PCDHGB5: variants seen among roughly 807,000 people sequenced by gnomAD.
The protein encoded by PCDHGB5 is protocadherin gamma subfamily B, 5, also known as protocadherin gamma-B5.
Under a neutral mutation model 62.9 loss-of-function variants are expected in PCDHGB5, and 48 were observed. That is an observed-to-expected ratio of 0.76 (90% CI 0.61 to 0.97). The LOEUF (loss-of-function observed/expected upper bound fraction) is 0.97. Among genes scored for constraint, PCDHGB5 ranks in the 50% least tolerant of loss-of-function variants. The pLI, the probability that PCDHGB5 is intolerant of heterozygous loss-of-function variation, is 0.00. For missense variants in PCDHGB5, 1,118 were observed against 1,198.6 expected, an observed-to-expected ratio of 0.93 and a Z score of 0.99; for synonymous variants, 474 against 511.2, an observed-to-expected ratio of 0.93 and a Z score of 0.98.
At chr5:141,510,849 G>C (rs959784028) in intron 3 of PCDHGB5, 98 bp from the exon 4 acceptor site, 10 of 1,596,568 alleles carry the variant, frequency 6.3e-6, no homozygotes, top group Middle Eastern at 1.7e-4. Flanking sequence ...CAAGGCCCAG[G>C]GTGCTGTATA....
intron 1 of PCDHGB5, chr5:141,479,313 G>C (rs926148640): frequency 2.0e-5 from 3 of 152,456 alleles, no homozygotes; most frequent in Non-Finnish European, 2.9e-5. Context: ...AAAACATAAA[G>C]TAGCCAGACT....
chr5:141,407,505 T>TTTTTTTTTTTTTTTTTTTTTTTTTTGAG (rs1460306566), intron 1 of PCDHGB5, among the ~76,000 whole-genome samples: 1 of 152,146 alleles, frequency 6.6e-6, no homozygotes, highest in Non-Finnish European at 1.5e-5. Context: ...CTGTTTTTCT[T>TTTTTTTTTTTTTTTTTTTTTTTTTTGAG]AGGCTATGTA....
At chr5:141,503,099 C>T (rs1286557930) in intron 2 of PCDHGB5, among the ~76,000 whole-genome samples, 1 of 151,884 alleles carries the variant, frequency 6.6e-6, no homozygotes, top group Non-Finnish European at 1.5e-5. Context: ...GTGGTCTGCC[C>T]GCCCCTGCCT....
chr5:141,487,643 C>T lies in PCDHGB5; in HGVS notation c.2398-7164C>T. 1.2e-6 allele frequency: 2 copies of T among 1,614,104 alleles called. No homozygotes were observed. The highest frequency in any genetic ancestry group is 1.7e-6 in the Non-Finnish European group (2 of 1,179,986). Reference sequence around the variant, plus strand: ...GAGACCTTTGCAGGCTCAACAAATGCTTGAGGGTTATTCTGATCCAGGCAT... The same window carrying T: ...GAGACCTTTGCAGGCTCAACAAATGTTTGAGGGTTATTCTGATCCAGGCAT... On this transcript the variant is annotated intron_variant, in intron 1 of 3. Transcript: ENST00000617380. The surrounding 1 kb of genome is among the most constrained non-coding windows in gnomAD (Gnocchi z 5.0).
At chr5:141,448,220 G>A (rs750470070) in intron 1 of PCDHGB5, among the ~76,000 whole-genome samples, 9 of 152,148 alleles carry the variant, frequency 5.9e-5, no homozygotes, top group Non-Finnish European at 1.0e-4. Flanking sequence ...GTATGCGAAT[G>A]TATGTGTGGG....
rs564486909 is a variant in PCDHGB5, at chr5:141,428,072, G to C, written c.2397+27548G>C. ...AGGTGGTGGCGGTGGACGCAGATTC[G>C]GGACACAACGCTTGGCTGTCCTACC... is the stretch of plus-strand genomic sequence containing the variant. On this transcript the variant is annotated intron_variant, in intron 1 of 3. Transcript: ENST00000617380. 5 of 1,609,080 alleles carry C rather than the reference G, an allele frequency of 3.1e-6. 1 individual carries two copies. The South Asian group carries it at 5.5e-5, about 18-fold the overall frequency.
chr5:141,476,018 A>G lies in PCDHGB5; in HGVS notation c.2398-18789A>G. 7.3e-7 allele frequency: 1 copy of G among 1,371,412 alleles called. No homozygotes were observed. Among genetic ancestry groups the G allele is most frequent in the African/African-American group, 1.4e-5 (1 of 69,226 alleles). The allele number at this position is 1,371,412 out of a possible 1,614,324, so 85.0% of individuals were successfully genotyped here. A position where few individuals can be genotyped will look rare whatever the true frequency, so the allele number is the denominator to read the frequency against. The stretch of plus-strand genomic sequence containing the variant: ...AACGGCATCCAGAAAGCCATGTCGG[A>G]CTCGGCGCCCAGCGCCCAAGCGCTA... On this transcript the variant is annotated intron_variant, in intron 1 of 3. Coordinates refer to ENST00000617380, the MANE Select transcript of PCDHGB5 (RefSeq NM_018925.3). This position sits in a 1 kb window ranked among gnomAD's most constrained non-coding sequence, Gnocchi z 7.6.
intron 1 of PCDHGB5, among the ~76,000 whole-genome samples, chr5:141,474,116 A>G (rs2099342954): frequency 1.3e-5 from 2 of 152,234 alleles, no homozygotes; most frequent in African/African-American, 4.8e-5. Flanking sequence ...AACAACAACG[A>G]AAATCTCAGA....
chr5:141,414,000 A>T (rs759228883), intron 1 of PCDHGB5: 2 of 1,613,282 alleles, frequency 1.2e-6, no homozygotes, highest in African/African-American at 2.7e-5. Flanking sequence ...ACAGGGACGA[A>T]GGTGCCAATG....
chr5:141,484,940 G>C, intron 1 of PCDHGB5: 1 of 541,138 alleles, frequency 1.8e-6, no homozygotes, highest in Non-Finnish European at 3.3e-6. Flanking sequence ...GACGTTCTCT[G>C]CTCAGCCTAT....
rs990493129 is a variant in PCDHGB5 at position 141,449,560 on chromosome 5, G to C, written c.2398-45247G>C. On this transcript the variant is annotated intron_variant, in intron 1 of 3. Coordinates refer to ENST00000617380, the MANE Select transcript of PCDHGB5 (RefSeq NM_018925.3). ...GCCGAGATCGCACCACTGCACTCCA[G>C]CCTGGGCGACAGAGCAAGACTCTGT... Among the ~76,000 whole-genome samples, 4 of 145,056 alleles carry C rather than the reference G, an allele frequency of 2.8e-5. No homozygotes were observed. The Admixed American group carries it at 2.8e-4, about 10-fold the overall frequency.
chr5:141,495,000 G>A lies in PCDHGB5; in HGVS notation c.2456+135G>A, dbSNP rs191756104. ...AGTTTGAGATCCCAGGGAGGTCTTG[G>A]TGTGCGGGGGGCTGGCACACAGACC... On this transcript the variant is annotated intron_variant, in intron 2 of 3. Transcript: ENST00000617380. 1.3e-4 allele frequency: 202 copies of A among 1,531,656 alleles called. 2 individuals carry two copies. The African/African-American group carries it at 2.4e-3, about 19-fold the overall frequency. The allele number at this position is 1,531,656 out of a possible 1,614,324, so 94.9% of individuals were successfully genotyped here. A position where few individuals can be genotyped will look rare whatever the true frequency, so the allele number is the denominator to read the frequency against.
chr5:141,404,880 T>C, intron 1 of PCDHGB5: 2 of 1,613,896 alleles, frequency 1.2e-6, no homozygotes, highest in Non-Finnish European at 8.5e-7. Flanking sequence ...CAGAGCCTTG[T>C]GGTGGCTGTA....
chr5:141,422,727 G>A, intron 1 of PCDHGB5: 6 of 1,606,552 alleles, frequency 3.7e-6, no homozygotes, highest in Non-Finnish European at 5.1e-6. Flanking sequence ...TCCAGGGGGT[G>A]CCTCTGTCCT....
chr5:141,462,262 A>G (rs2099035971), intron 1 of PCDHGB5, among the ~76,000 whole-genome samples: 1 of 152,192 alleles, frequency 6.6e-6, no homozygotes, highest in African/African-American at 2.4e-5. Flanking sequence ...GACCAGCCTA[A>G]AGTGTATTGT....
intron 1 of PCDHGB5, chr5:141,419,727 C>G (rs1344063538): frequency 6.2e-7 from 1 of 1,613,582 alleles, no homozygotes; most frequent in Admixed American, 1.7e-5. Flanking sequence ...GGGCTGCGAA[C>G]AGGCGAGGTG....
chr5:141,469,881 G>A (rs922510082), intron 1 of PCDHGB5, among the ~76,000 whole-genome samples: 11 of 152,056 alleles, frequency 7.2e-5, no homozygotes, highest in Admixed American at 3.3e-4. Context: ...CTGTAATCTC[G>A]GCACTTTGGG....
At chr5:141,503,598 CAAAAAAAAAAAA>C (rs765754054) in intron 2 of PCDHGB5, among the ~76,000 whole-genome samples, 11 of 65,762 alleles carry the variant, frequency 1.7e-4, no homozygotes, top group Admixed American at 3.4e-4. Context: ...GACTCCAGCT[CAAAAAAAAAAAA>C]AAAAGAAAAA....
At chr5:141,437,999 C>T (rs1230507077) in intron 1 of PCDHGB5, among the ~76,000 whole-genome samples, 1 of 152,062 alleles carries the variant, frequency 6.6e-6, no homozygotes, top group African/African-American at 2.4e-5. Flanking sequence ...CCTCAGCCTC[C>T]CAAATAGCTG....
Sources: allele counts gnomAD v4.1 joint callset (sites outside exome capture counted in the v4.1 genomes callset), GRCh38; gene constraint gnomAD v4.1.1; non-coding constraint Gnocchi (gnomAD v3.1); transcripts MANE v1.5; gene names NCBI Gene and HGNC (gene_info 2026-07-23, HGNC 2026-07-21).